Variants in DHODH observed in about 807,000 individuals in gnomAD.
DHODH encodes dihydroorotate dehydrogenase (quinone), also known as dihydroorotate dehydrogenase (quinone), mitochondrial.
Under a neutral mutation model 39.7 loss-of-function variants are expected in DHODH, and 30 were observed. The observed-to-expected ratio is 0.76, with a 90% CI of 0.57 to 1.02. The LOEUF is 1.02. Among genes scored for constraint, DHODH ranks in the 50% least tolerant of loss-of-function variants. The probability of loss-of-function intolerance (pLI) is 0.00; values close to 1 mark genes in which losing one functional copy is unlikely to be tolerated. For missense variants in DHODH, 531 were observed against 520.8 expected (o/e 1.02, Z -0.19); for synonymous variants, 222 against 213.8 (o/e 1.04, Z -0.34).
chr16:72,008,903 G>A (rs1426598740), intron 1 of DHODH, 118 bp downstream of exon 1: 1 of 1,541,348 alleles, frequency 6.5e-7, no homozygotes, highest in Non-Finnish European at 8.8e-7. Context: ...GGGCCCCCCT[G>A]GGACGTGTGC....
intron 2 of DHODH, 151 bp downstream of exon 2, chr16:72,012,413 A>G (rs963876956): frequency 2.8e-6 from 2 of 705,952 alleles, no homozygotes; most frequent in Non-Finnish European, 4.9e-6. Flanking sequence ...ATTTTATGTC[A>G]TGTAATTAGC....
chr16:72,017,176 A>G, intron 4 of DHODH, 70 bp downstream of exon 4: 1 of 1,494,872 alleles, frequency 6.7e-7, no homozygotes, highest in Middle Eastern at 1.7e-4. Flanking sequence ...TGCTGGGAAC[A>G]TTTCTAGTGA....
At chr16:72,020,333 A>ATATATATATATATATATGTG (rs2041192377) in intron 4 of DHODH, 6 of 91,878 alleles carry the variant, frequency 6.5e-5, no homozygotes, top group African/African-American at 1.8e-4. Context: ...ATATGTGTAT[A>ATATATATATATATATATGTG]TATATATATA....
At chr16:72,020,300 A>AAT (rs2041189882) in intron 4 of DHODH, 1 of 139,128 alleles carries the variant, frequency 7.2e-6, no homozygotes, top group Non-Finnish European at 1.5e-5. Flanking sequence ...AACATTTTCC[A>AAT]GTATATATAT....
In DHODH at chr16:72,016,714, G is replaced by A. The variant is rs1159025586; in HGVS notation, c.435-310G>A. 1.0e-5 allele frequency: 4 copies of A among 386,434 alleles called. No homozygotes were observed. The Admixed American group carries it at 1.1e-4, about 11-fold the overall frequency. 23.9% of individuals were successfully genotyped at this position (386,434 alleles called of 1,614,324 possible). ...TGTTTGGGAGCCCAGGCAGAAGGTG[G>A]CAAGTGAGTGTGCAATTCTCAGAGA... On this transcript the variant is annotated intron_variant, in intron 3 of 8. Coordinates refer to ENST00000219240, the MANE Select transcript of DHODH (RefSeq NM_001361.5).
At chr16:72,021,092 C>A in intron 4 of DHODH, 32 bp from the exon 5 acceptor site, 1 of 1,572,300 alleles carries the variant, frequency 6.4e-7, no homozygotes, top group Non-Finnish European at 8.6e-7. Flanking sequence ...AAAGGGTGTG[C>A]GGGGTGCAGG....
intron 7 of DHODH, 32 bp downstream of exon 7, chr16:72,023,350 T>C (rs1242917230): frequency 4.3e-6 from 7 of 1,613,998 alleles, no homozygotes; most frequent in African/African-American, 1.3e-5. Context: ...TCTTCAGATC[T>C]GCGTGTGGCT....
intron 7 of DHODH, 43 bp downstream of exon 7, chr16:72,023,361 T>C (rs2041243524): frequency 6.2e-7 from 1 of 1,613,942 alleles, no homozygotes; most frequent in Admixed American, 1.7e-5. Context: ...GCGTGTGGCT[T>C]GGGCTCCTGG....
At chr16:72,021,626 C>G (rs2143997855) in intron 5 of DHODH, among the ~76,000 whole-genome samples, 1 of 152,300 alleles carries the variant, frequency 6.6e-6, no homozygotes. Flanking sequence ...ACTTCATCAC[C>G]CAGTACATGT....
At chr16:72,016,928 T>A in intron 3 of DHODH, 96 bp from the exon 4 acceptor site, 1 of 808,492 alleles carries the variant, frequency 1.2e-6, no homozygotes, top group Admixed American at 2.3e-5. Flanking sequence ...CTGACTGTGA[T>A]TTTTTTTTTT....
chr16:72,020,355 G>GTATATATATATATATATATATATA (rs1309420410), intron 4 of DHODH: 1 of 107,534 alleles, frequency 9.3e-6, no homozygotes, highest in Non-Finnish European at 1.8e-5. Flanking sequence ...ATATATATAT[G>GTATATATATATATATATATATATA]TGTATATATA....
chr16:72,023,173 C>G lies in DHODH; in HGVS notation c.828C>G (p.Ile276Met). 1 of 1,614,166 alleles carries G rather than the reference C, an allele frequency of 6.2e-7. No individual in the cohort carries two copies. The highest frequency in any genetic ancestry group is 8.5e-7 in the Non-Finnish European group (1 of 1,180,038). The change falls in exon 7 of 9, where the codon ATC becomes ATG. Residue 276 changes from isoleucine (I) to methionine (M), a missense_variant. Ile to Met is a conservative substitution (Grantham distance 10). Coordinates refer to ENST00000219240, the MANE Select transcript of DHODH (RefSeq NM_001361.5). ...TCTATCTCGCACTGCAGTTGGGCAT[C>G]GATGGGCTGATTGTTACGAACACCA... ...DIASVVKELG[I>M]DGLIVTNTTV...
intron 3 of DHODH, 134 bp from the exon 4 acceptor site, chr16:72,016,890 T>TGGTGTG (rs2041147172): frequency 1.3e-6 from 1 of 771,546 alleles, no homozygotes; most frequent in Non-Finnish European, 2.3e-6. Flanking sequence ...GGAGTCCCAG[T>TGGTGTG]GGTGTTTAGA....
At chr16:72,018,431 C>T (rs1400297894) in intron 4 of DHODH, among the ~76,000 whole-genome samples, 1 of 152,200 alleles carries the variant, frequency 6.6e-6, no homozygotes, top group Non-Finnish European at 1.5e-5. Context: ...TGGGTGGAAC[C>T]AGACCCCGCT....
At chr16:72,021,957 G>A (rs74803415) in intron 5 of DHODH, among the ~76,000 whole-genome samples, 16,265 of 152,112 alleles carry the variant, frequency 0.11, 1,324 homozygotes, top group East Asian at 0.37. Context: ...GCTGGGCATG[G>A]TGGTGCACAC....
rs369556950 is a variant in DHODH at position 72,021,261 on chromosome 16, G to A, written c.655G>A (p.Gly219Arg). Residue 219 changes from glycine to arginine, a missense_variant, in exon 5 of 9, where the codon GGG becomes AGG. By Grantham distance (125) the Gly-to-Arg change is moderately radical. Transcript: ENST00000219240. ...VVNVSSPNTA[G>R]LRSLQGKAEL... ...GAATGTGTCCAGCCCCAACACTGCC[G>A]GGCTGCGGAGCCTTCAGGGAAAGGC... The A allele has an allele frequency of 8.1e-5, 130 of 1,612,396 alleles. No individual in the cohort carries two copies. Among genetic ancestry groups the A allele is most frequent in the South Asian group, 1.1e-4 (10 of 90,736 alleles).
At chr16:72,008,845 G>C (rs1431386848) in intron 1 of DHODH, 60 bp downstream of exon 1, 10 of 1,551,768 alleles carry the variant, frequency 6.4e-6, no homozygotes, top group Middle Eastern at 1.8e-4. Flanking sequence ...GGCGAGAACG[G>C]AGAGTCAGGC....
chr16:72,021,589 C>T (rs1036057845), intron 5 of DHODH, among the ~76,000 whole-genome samples: 1 of 152,198 alleles, frequency 6.6e-6, no homozygotes, highest in African/African-American at 2.4e-5. Flanking sequence ...CTGACCCTAG[C>T]GCCCAGAGCT....
chr16:72,011,469 T>C (rs956513268), intron 1 of DHODH, among the ~76,000 whole-genome samples: 2 of 152,144 alleles, frequency 1.3e-5, no homozygotes, highest in African/African-American at 4.8e-5. Context: ...AGAGGCTCTA[T>C]CTCTTCAAAA....
Sources: gnomAD v4.1 joint callset for allele counts (sites outside exome capture counted in the v4.1 genomes callset) on GRCh38, gnomAD v4.1.1 for gene constraint, MANE v1.5 for transcripts, NCBI Gene and HGNC (gene_info 2026-07-23, HGNC 2026-07-21) for gene names.